TLE4: variants seen among roughly 807,000 people sequenced by gnomAD.
TLE4 encodes transducin-like enhancer protein 4.
TLE4 carries 8 observed loss-of-function variants against 92.8 expected under a neutral mutation model. The observed-to-expected ratio is 0.09, with a 90% confidence interval of 0.05 to 0.16. The LOEUF (loss-of-function observed/expected upper bound fraction) is 0.16, where lower values mean the gene tolerates loss of function less well. Ranked by LOEUF, TLE4 falls within the 10% of genes least tolerant of loss-of-function variation. The pLI is 1.00. For synonymous variants in TLE4, 371 were observed against 374.1 expected (o/e 0.99, Z 0.10); for missense variants, 675 against 997.6 (o/e 0.68, Z 4.36).
At chr9:79,708,350 T>C (rs941846425) in intron 12 of TLE4, 100 bp downstream of exon 12, 3 of 1,378,318 alleles carry the variant, frequency 2.2e-6, no homozygotes, top group Admixed American at 2.2e-5. Context: ...ATGACCAGCA[T>C]TGAATGGCTG....
At chr9:79,697,531 G>A (rs1336848121) in intron 8 of TLE4, among the ~76,000 whole-genome samples, 4 of 151,978 alleles carry the variant, frequency 2.6e-5, no homozygotes, top group Non-Finnish European at 4.4e-5. Flanking sequence ...TCAACCCTGT[G>A]TCTTTGGCAT....
At chr9:79,686,980 T>G (rs1273225323) in intron 8 of TLE4, among the ~76,000 whole-genome samples, 2 of 152,212 alleles carry the variant, frequency 1.3e-5, no homozygotes, top group Non-Finnish European at 2.9e-5. Flanking sequence ...TTTTGTCATT[T>G]GGTATCATCT....
In TLE4 at chr9:79,683,388, G is replaced by A. The variant is rs114267623; in HGVS notation, c.610-21395G>A. ...ACTCTTAGGTAGAATTAAATTGAGC[G>A]TAAACATGAAGTTTAAACTTATTTT... On this transcript the variant is annotated intron_variant, in intron 8 of 19. Transcript: ENST00000376552. Among the ~76,000 whole-genome samples, 1,395 of 152,276 alleles carry A rather than the reference G, an allele frequency of 9.2e-3. 27 individuals are homozygous for A. The highest frequency in any genetic ancestry group is 0.031 in the African/African-American group (1,307 of 41,556).
At chr9:79,573,289 C>T (rs1323202131) in intron 1 of TLE4, 11 of 1,030,608 alleles carry the variant, frequency 1.1e-5, no homozygotes, top group East Asian at 1.0e-4. Flanking sequence ...GAGAGGGTGG[C>T]GGCCGCCTCC....
intron 8 of TLE4, among the ~76,000 whole-genome samples, chr9:79,672,071 G>A (rs1016489625): frequency 7.6e-5 from 9 of 119,166 alleles, no homozygotes; most frequent in Non-Finnish European, 1.4e-4. Flanking sequence ...AGTGATTAGT[G>A]CCCTGCTACA....
intron 8 of TLE4, chr9:79,668,881 T>C (rs2061818805): frequency 1.0e-6 from 1 of 963,144 alleles, no homozygotes; most frequent in Admixed American, 6.2e-5. Context: ...AGCAAAAGCA[T>C]GTCAACAATG....
At chr9:79,622,242 T>C (rs531467433) in intron 5 of TLE4, among the ~76,000 whole-genome samples, 2 of 152,288 alleles carry the variant, frequency 1.3e-5, no homozygotes, top group Admixed American at 6.5e-5. Context: ...GCACACCCTT[T>C]CCACTTTAAA....
chr9:79,597,188 G>A (rs901477493), intron 4 of TLE4, among the ~76,000 whole-genome samples: 1 of 151,970 alleles, frequency 6.6e-6, no homozygotes, highest in Non-Finnish European at 1.5e-5. Context: ...CTCTCACCAC[G>A]GTCACCATCA....
At chr9:79,649,743 G>T in intron 6 of TLE4, 5 of 1,241,276 alleles carry the variant, frequency 4.0e-6, no homozygotes, top group Non-Finnish European at 5.4e-6. Context: ...TGAATGTCAT[G>T]TATAACTATG....
intron 6 of TLE4, among the ~76,000 whole-genome samples, chr9:79,637,317 A>G (rs1440388000): frequency 6.6e-6 from 1 of 152,218 alleles, no homozygotes; most frequent in Non-Finnish European, 1.5e-5. Context: ...ATACTGTTCC[A>G]GCTTTACAAA....
At chr9:79,589,831 A>C (rs1471690637) in intron 4 of TLE4, among the ~76,000 whole-genome samples, 1 of 152,214 alleles carries the variant, frequency 6.6e-6, no homozygotes, top group African/African-American at 2.4e-5. Flanking sequence ...CAACTGAGGC[A>C]TTAGGGCAGA....
intron 19 of TLE4, 28 bp downstream of exon 19, chr9:79,723,063 T>TA (rs2075885642): frequency 1.3e-6 from 2 of 1,593,190 alleles, no homozygotes; most frequent in African/African-American, 2.7e-5. Flanking sequence ...AACTACCACT[T>TA]ATGTTTGTTT....
At chr9:79,694,619 G>GCTT (rs1462802602) in intron 8 of TLE4, among the ~76,000 whole-genome samples, 1 of 152,098 alleles carries the variant, frequency 6.6e-6, no homozygotes, top group Admixed American at 6.5e-5. Flanking sequence ...GCTTTATGTT[G>GCTT]CTTTACATAA....
At chr9:79,631,194 C>G (rs1161411764) in intron 6 of TLE4, among the ~76,000 whole-genome samples, 4 of 152,160 alleles carry the variant, frequency 2.6e-5, no homozygotes, top group Non-Finnish European at 5.9e-5. Flanking sequence ...GGTGGTTTTT[C>G]ACACTCTCTG....
chr9:79,681,332 T>C (rs11791878), intron 8 of TLE4, among the ~76,000 whole-genome samples: 80,539 of 151,600 alleles, frequency 0.53, 24,194 homozygotes, highest in East Asian at 0.74. Flanking sequence ...AGTAACGTTA[T>C]TTTGTTTTTT....
intron 8 of TLE4, among the ~76,000 whole-genome samples, chr9:79,656,657 G>C (rs76900066): frequency 0.011 from 1,740 of 152,312 alleles, 40 homozygotes; most frequent in African/African-American, 0.039. Context: ...TACAGCCCCA[G>C]TGGAACATTT....
chr9:79,710,208 ACAC>A (rs1475591460), intron 14 of TLE4, among the ~76,000 whole-genome samples: 1 of 152,362 alleles, frequency 6.6e-6, no homozygotes, highest in African/African-American at 2.4e-5. Context: ...AAAACACAAC[ACAC>A]CAGTTGTTCT....
In TLE4 at chr9:79,572,699, C is replaced by A; in HGVS notation, c.-92C>A. ...GAGCCGCCCCTCAGACCGAGCCGGC[C>A]GCCTCCGCTGCCGCGGCCGCCTCCT... On this transcript the variant is annotated 5_prime_UTR_variant, in exon 1 of 20. Transcript: ENST00000376552. 1 of 1,402,826 alleles carries A rather than the reference C, an allele frequency of 7.1e-7. No homozygotes were observed. Among genetic ancestry groups the A allele is most frequent in the South Asian group, 1.2e-5 (1 of 82,522 alleles). 86.9% of individuals were successfully genotyped at this position (1,402,826 alleles called of 1,614,324 possible). A position where few individuals can be genotyped will look rare whatever the true frequency, so the allele number is the denominator to read the frequency against.
At position 79,589,273 on chromosome 9, in the gene TLE4, A is replaced by G. The variant is rs1033548021; in HGVS notation, c.252+13096A>G. On this transcript the variant is annotated intron_variant, in intron 4 of 19. Coordinates refer to ENST00000376552, the MANE Select transcript of TLE4 (RefSeq NM_007005.6). ...TGAGCATTGTCTGGCTTCTCTAGTT[A>G]AGTCAATTTGAGAGAATCCTTTAAA... Among the ~76,000 whole-genome samples the G allele has an allele frequency of 4.6e-5, 7 of 152,294 alleles. No homozygotes were observed. The East Asian group carries it at 1.2e-3, about 25-fold the overall frequency.
Sources: gnomAD v4.1 joint callset for allele counts (sites outside exome capture counted in the v4.1 genomes callset) on GRCh38, gnomAD v4.1.1 for gene constraint, MANE v1.5 for transcripts, NCBI Gene and HGNC (gene_info 2026-07-23, HGNC 2026-07-21) for gene names.